The following PRKAR2A variants were observed in gnomAD, a reference collection of about 807,000 sequenced individuals.
PRKAR2A encodes protein kinase cAMP-dependent type II regulatory subunit alpha.
In PRKAR2A, 29 loss-of-function variants were observed where a neutral mutation model predicts 51.9. The observed-to-expected ratio is 0.56, with a 90% CI of 0.42 to 0.76. The LOEUF (loss-of-function observed/expected upper bound fraction) is 0.76. Among genes scored for constraint, PRKAR2A ranks in the 30% least tolerant of loss-of-function variants. The probability of loss-of-function intolerance (pLI) is 0.00; values close to 1 mark genes in which losing one functional copy is unlikely to be tolerated. For synonymous variants in PRKAR2A, 178 were observed against 186.2 expected (o/e 0.96, Z 0.36); for missense variants, 445 against 512.1 (o/e 0.87, Z 1.26).
chr3:48,781,849 T>C (rs2082201745), intron 5 of PRKAR2A, among the ~76,000 whole-genome samples: 1 of 152,104 alleles, frequency 6.6e-6, no homozygotes, highest in Non-Finnish European at 1.5e-5. Flanking sequence ...TTTCACCACG[T>C]TGGCCAGGCT....
intron 1 of PRKAR2A, among the ~76,000 whole-genome samples, chr3:48,815,763 G>A (rs929950249): frequency 6.6e-6 from 1 of 151,480 alleles, no homozygotes; most frequent in African/African-American, 2.4e-5. Flanking sequence ...GCTCACGCCT[G>A]TAATCCCAGC....
In PRKAR2A at chr3:48,808,413, C is replaced by T. The variant is rs183143249; in HGVS notation, c.263-729G>A. Among the ~76,000 whole-genome samples the T allele has an allele frequency of 7.1e-3, 1,087 of 152,370 alleles. 14 individuals are homozygous for T. Among genetic ancestry groups the T allele is most frequent in the South Asian group, 0.041 (200 of 4,826 alleles). ...GGACTACAGGCACCCGCCACCACACCCAGCTAATGTGTTGTATTTTTAGTA... is the reference window on the plus strand; with the variant it reads ...GGACTACAGGCACCCGCCACCACACTCAGCTAATGTGTTGTATTTTTAGTA... On this transcript the variant is annotated intron_variant, in intron 1 of 10. Transcript: ENST00000265563.
intron 1 of PRKAR2A, among the ~76,000 whole-genome samples, chr3:48,822,088 G>A (rs1200460195): frequency 6.6e-6 from 1 of 150,598 alleles, no homozygotes; most frequent in Non-Finnish European, 1.5e-5. Context: ...GCGCATGCCC[G>A]TAATCCCAGC....
intron 9 of PRKAR2A, among the ~76,000 whole-genome samples, chr3:48,754,971 A>T (rs2081735480): frequency 6.9e-6 from 1 of 145,468 alleles, no homozygotes. Flanking sequence ...AGACAGTAAT[A>T]TTCTTCTTTT....
chr3:48,794,077 G>T (rs759592034), intron 2 of PRKAR2A, 28 bp from the exon 3 acceptor site: 1 of 1,542,898 alleles, frequency 6.5e-7, no homozygotes, highest in South Asian at 1.2e-5. Flanking sequence ...AAAACAAAAA[G>T]AATGAATTTA....
chr3:48,781,799 C>T (rs761004343), intron 5 of PRKAR2A, among the ~76,000 whole-genome samples: 1 of 152,164 alleles, frequency 6.6e-6, no homozygotes, highest in Non-Finnish European at 1.5e-5. Flanking sequence ...GCATGAGCCA[C>T]TGCGACTGGC....
intron 2 of PRKAR2A, among the ~76,000 whole-genome samples, chr3:48,803,977 A>T (rs183967225): frequency 5.3e-5 from 8 of 151,258 alleles, no homozygotes; most frequent in East Asian, 3.9e-4. Context: ...AAAATTTATT[A>T]AAAAAAAAGC....
At chr3:48,765,653 A>ATT (rs1311873250) in intron 6 of PRKAR2A, among the ~76,000 whole-genome samples, 1 of 150,752 alleles carries the variant, frequency 6.6e-6, no homozygotes, top group Non-Finnish European at 1.5e-5. Flanking sequence ...CAATATCAAA[A>ATT]AAGACACCTC....
chr3:48,810,254 G>A (rs1251315465), intron 1 of PRKAR2A, among the ~76,000 whole-genome samples: 1 of 151,708 alleles, frequency 6.6e-6, no homozygotes, highest in African/African-American at 2.4e-5. Flanking sequence ...ACACACACAC[G>A]TATAGATGAA....
chr3:48,795,695 C>T (rs1207547272), intron 2 of PRKAR2A, among the ~76,000 whole-genome samples: 1 of 152,172 alleles, frequency 6.6e-6, no homozygotes, highest in East Asian at 1.9e-4. Flanking sequence ...TGCAACCACA[C>T]CCAGCTAATT....
intron 1 of PRKAR2A, among the ~76,000 whole-genome samples, chr3:48,816,018 C>CAAAA (rs748275352): frequency 1.2e-4 from 6 of 51,628 alleles, no homozygotes; most frequent in East Asian, 3.8e-4. Context: ...GACTCCATCT[C>CAAAA]AAAAAAAAAA....
chr3:48,766,878 A>G lies in PRKAR2A; in HGVS notation c.697-1529T>C, dbSNP rs76077981. On this transcript the variant is annotated intron_variant, in intron 6 of 10. Transcript: ENST00000265563. ...TTTTATTTTGAGATAGGGTCCCCCAATGTTGTCCAGGCTGGCTTTGAACTC... is the reference window on the plus strand; with the variant it reads ...TTTTATTTTGAGATAGGGTCCCCCAGTGTTGTCCAGGCTGGCTTTGAACTC... 9.7e-3 allele frequency among the ~76,000 whole-genome samples: 1,481 copies of G among 152,180 alleles called. 9 individuals are homozygous for G. The highest frequency in any genetic ancestry group is 0.027 in the Middle Eastern group (8 of 294).
At chr3:48,786,519 C>T (rs1321632611) in intron 4 of PRKAR2A, among the ~76,000 whole-genome samples, 4 of 149,010 alleles carry the variant, frequency 2.7e-5, no homozygotes, top group African/African-American at 9.8e-5. Context: ...ACTTGGGGGC[C>T]GGGCGCGGTG....
intron 1 of PRKAR2A, among the ~76,000 whole-genome samples, chr3:48,817,525 C>T (rs998527604): frequency 2.0e-5 from 3 of 148,786 alleles, no homozygotes; most frequent in Non-Finnish European, 4.5e-5. Context: ...TTTTGGCGGG[C>T]GCCTGTAATC....
intron 1 of PRKAR2A, among the ~76,000 whole-genome samples, chr3:48,840,431 G>A (rs1187870909): frequency 6.6e-6 from 1 of 151,776 alleles, no homozygotes; most frequent in African/African-American, 2.4e-5. Flanking sequence ...GGAGGTGGAG[G>A]TTGCAGTGAG....
chr3:48,814,398 A>G (rs1274737691), intron 1 of PRKAR2A, among the ~76,000 whole-genome samples: 2 of 152,210 alleles, frequency 1.3e-5, no homozygotes, highest in African/African-American at 4.8e-5. Context: ...AGCCTGGGCA[A>G]CAAGAGTGAG....
chr3:48,829,819 G>GTA (rs2083151045), intron 1 of PRKAR2A, among the ~76,000 whole-genome samples: 1 of 107,502 alleles, frequency 9.3e-6, no homozygotes, highest in Non-Finnish European at 1.9e-5. Context: ...ATATATGTAT[G>GTA]TATATACATA....
At chr3:48,823,377 C>A (rs1272207818) in intron 1 of PRKAR2A, among the ~76,000 whole-genome samples, 2 of 151,582 alleles carry the variant, frequency 1.3e-5, no homozygotes, top group African/African-American at 4.8e-5. Flanking sequence ...TTGCTGTCTC[C>A]AGGAAGACAG....
chr3:48,847,181 C>G lies in PRKAR2A; in HGVS notation c.262+154G>C, dbSNP rs2107480350. Among the ~76,000 whole-genome samples, 1 of 152,304 alleles carries G rather than the reference C, an allele frequency of 6.6e-6. No individual in the cohort carries two copies. Among genetic ancestry groups the G allele is most frequent in the Admixed American group, 6.5e-5 (1 of 15,294 alleles). On this transcript the variant is annotated intron_variant, in intron 1 of 10. Transcript: ENST00000265563. The surrounding 1 kb of genome is among the most constrained non-coding windows in gnomAD (Gnocchi z 4.4). ...GGAAGTGGCGCACGCGGGCTCACGC[C>G]GGTGTCTCAGGGAAACGCTAGAAAC...
Sources: allele counts gnomAD v4.1 joint callset (sites outside exome capture counted in the v4.1 genomes callset), GRCh38; gene constraint gnomAD v4.1.1; non-coding constraint Gnocchi (gnomAD v3.1); transcripts MANE v1.5; gene names NCBI Gene and HGNC (gene_info 2026-07-23, HGNC 2026-07-21).